Variants in RNF38 observed in about 807,000 individuals in gnomAD.
The protein encoded by RNF38 is E3 ubiquitin-protein ligase RNF38.
In RNF38, 15 loss-of-function variants were observed where a neutral mutation model predicts 67.2. That is an observed-to-expected ratio of 0.22 (90% CI 0.15 to 0.34). RNF38 has a LOEUF of 0.34. Ranked by LOEUF, RNF38 falls within the 10% of genes least tolerant of loss-of-function variation. The probability of loss-of-function intolerance (pLI) is 1.00; values close to 1 mark genes in which losing one functional copy is unlikely to be tolerated. For synonymous variants in RNF38, 220 were observed against 218.8 expected, an observed-to-expected ratio of 1.01 and a Z score of -0.05; for missense variants, 524 against 639.9, an observed-to-expected ratio of 0.82 and a Z score of 1.95.
chr9:36,421,346 C>G (rs1838621664), intron 2 of RNF38, among the ~76,000 whole-genome samples: 1 of 152,126 alleles, frequency 6.6e-6, no homozygotes, highest in Admixed American at 6.5e-5. Flanking sequence ...ATGGTGGTCA[C>G]AGCTCCCAAG....
intron 4 of RNF38, among the ~76,000 whole-genome samples, chr9:36,364,890 CTT>C (rs1834828872): frequency 6.6e-6 from 1 of 152,194 alleles, no homozygotes; most frequent in African/African-American, 2.4e-5. Flanking sequence ...AGCTAATACT[CTT>C]GAGAAATAAT....
rs967021226 is a variant in RNF38 at position 36,337,299 on chromosome 9, G to A, written c.*2453C>T. 6.6e-6 allele frequency: 1 copy of A among 152,532 alleles called. No individual in the cohort carries two copies. The highest frequency in any genetic ancestry group is 2.4e-5 in the African/African-American group (1 of 41,432). 9.4% of individuals were successfully genotyped at this position (152,532 alleles called of 1,614,324 possible). A position where few individuals can be genotyped will look rare whatever the true frequency, so the allele number is the denominator to read the frequency against. ...CTGCACACATCTCTATGAGCCCCAT[G>A]CAAAGACAAGACATTCCCAAAGATC... On this transcript the variant is annotated 3_prime_UTR_variant, in exon 12 of 12. Coordinates refer to ENST00000259605, the MANE Select transcript of RNF38 (RefSeq NM_022781.5).
At chr9:36,352,704 T>G in intron 8 of RNF38, 38 bp downstream of exon 8, 1 of 1,411,512 alleles carries the variant, frequency 7.1e-7, no homozygotes, top group Non-Finnish European at 1.0e-6. Context: ...CTCAAGAGTT[T>G]CAAAATTCAG....
At chr9:36,449,906 G>A (rs1260798793) in intron 1 of RNF38, among the ~76,000 whole-genome samples, 1 of 152,136 alleles carries the variant, frequency 6.6e-6, no homozygotes, top group Non-Finnish European at 1.5e-5. Context: ...AATTTTGGAA[G>A]CTCACTGATT....
chr9:36,487,180 G>A, intron 1 of RNF38: 3 of 613,388 alleles, frequency 4.9e-6, no homozygotes, highest in Non-Finnish European at 6.1e-6. Context: ...TCCGGGGCCG[G>A]ACAAAGCTGA....
chr9:36,425,413 G>A (rs1456382224), intron 1 of RNF38, among the ~76,000 whole-genome samples: 3 of 152,166 alleles, frequency 2.0e-5, no homozygotes, highest in African/African-American at 7.2e-5. Flanking sequence ...AATCTTAGAG[G>A]CCAGGTGCAG....
chr9:36,445,098 T>C (rs1839271311), intron 1 of RNF38, among the ~76,000 whole-genome samples: 1 of 152,178 alleles, frequency 6.6e-6, no homozygotes, highest in South Asian at 2.1e-4. Flanking sequence ...AGGGTGACAC[T>C]TCACCGTCTT....
At chr9:36,484,389 C>T (rs558351054) in intron 1 of RNF38, among the ~76,000 whole-genome samples, 1 of 152,284 alleles carries the variant, frequency 6.6e-6, no homozygotes, top group African/African-American at 2.4e-5. Flanking sequence ...AGGCTGGAGC[C>T]TGTAGGAGAG....
At position 36,336,992 on chromosome 9, in the gene RNF38, A is replaced by G. The variant is rs1832490787; in HGVS notation, c.*2760T>C. ...TTTTTGAGGGGCTGGGGGTTAAAAA[A>G]ACACCAAAGATGACAATTCATGCCA... On this transcript the variant is annotated 3_prime_UTR_variant, in exon 12 of 12. Transcript: ENST00000259605. The G allele has an allele frequency of 6.6e-6, 1 of 152,220 alleles. No homozygotes were observed. Among genetic ancestry groups the G allele is most frequent in the Admixed American group, 6.5e-5 (1 of 15,278 alleles). The allele number at this position is 152,220 out of a possible 1,614,324, so 9.4% of individuals were successfully genotyped here.
At chr9:36,436,233 G>A (rs185497095) in intron 1 of RNF38, among the ~76,000 whole-genome samples, 1 of 152,312 alleles carries the variant, frequency 6.6e-6, no homozygotes, top group African/African-American at 2.4e-5. Context: ...AATGTAAAGA[G>A]TGGGTAGAAA....
Position 36,474,042 on chromosome 9 carries a change from G to A in RNF38, n.241+13266C>T, listed in dbSNP as rs1350939509. 2.7e-5 allele frequency among the ~76,000 whole-genome samples: 4 copies of A among 149,456 alleles called. No individual in the cohort carries two copies. In the East Asian group the frequency reaches 5.9e-4, roughly 22 times the overall value. ...TAAAACCCTAGCACAGACCGGGCGC[G>A]GTGGCTCACACCTCTAATCCCAGCA... On this transcript the variant is annotated intron_variant and non_coding_transcript_variant, in intron 1 of 3. Coordinates refer to the RNF38 transcript ENST00000488058.
chr9:36,484,359 C>T (rs1242117261), intron 1 of RNF38, among the ~76,000 whole-genome samples: 1 of 152,210 alleles, frequency 6.6e-6, no homozygotes, highest in Non-Finnish European at 1.5e-5. Context: ...CACCAGCCTG[C>T]ATGTCTAACA....
chr9:36,401,404 A>G (rs931547022), upstream of RNF38, among the ~76,000 whole-genome samples: 14 of 152,086 alleles, frequency 9.2e-5, no homozygotes, highest in Non-Finnish European at 2.1e-4. Context: ...CCTACCTACA[A>G]AACTCCGCAA....
chr9:36,447,915 C>T (rs1164330639), intron 1 of RNF38, among the ~76,000 whole-genome samples: 3 of 152,212 alleles, frequency 2.0e-5, no homozygotes, highest in Non-Finnish European at 4.4e-5. Context: ...TAACTACTCT[C>T]ATAGGCAACC....
intron 1 of RNF38, among the ~76,000 whole-genome samples, chr9:36,443,288 G>C (rs907616594): frequency 1.3e-5 from 2 of 152,190 alleles, no homozygotes; most frequent in East Asian, 3.9e-4. Context: ...TGAATTGAGG[G>C]GTGCAGGATG....
chr9:36,353,096 T>A (rs983315059), intron 7 of RNF38, 74 bp downstream of exon 7: 10 of 1,294,468 alleles, frequency 7.7e-6, no homozygotes, highest in Non-Finnish European at 1.1e-5. Context: ...ATATGGTGAA[T>A]TATACTAAAA....
chr9:36,391,612 CTTTTTTT>C (rs1158051513), intron 1 of RNF38, among the ~76,000 whole-genome samples: 1 of 134,648 alleles, frequency 7.4e-6, no homozygotes, highest in Non-Finnish European at 1.6e-5. Flanking sequence ...TCGTTTCCTA[CTTTTTTT>C]TTTTTTTTTT....
At chr9:36,401,237 G>C (rs1156405187), upstream of RNF38, 2 of 983,748 alleles carry the variant, frequency 2.0e-6, no homozygotes, top group African/African-American at 1.8e-5. Flanking sequence ...GCGCGGCCCG[G>C]CGCACGACTC....
intron 2 of RNF38, among the ~76,000 whole-genome samples, chr9:36,380,002 A>G (rs1040155847): frequency 4.6e-5 from 7 of 152,208 alleles, no homozygotes; most frequent in Non-Finnish European, 1.0e-4. Context: ...TGTTCCTAAC[A>G]TGATGCAAAG....
Sources: gnomAD v4.1 joint callset for allele counts (sites outside exome capture counted in the v4.1 genomes callset) on GRCh38, gnomAD v4.1.1 for gene constraint, MANE v1.5 for transcripts, NCBI Gene and HGNC (gene_info 2026-07-23, HGNC 2026-07-21) for gene names.